Variants in CTNNA3 observed in about 807,000 individuals in gnomAD.
CTNNA3 encodes catenin alpha 3.
A neutral mutation model predicts 95.7 loss-of-function variants in CTNNA3; 76 were observed. The observed-to-expected ratio is 0.79, with a 90% confidence interval of 0.66 to 0.96. The LOEUF (loss-of-function observed/expected upper bound fraction) is 0.96. CTNNA3 is among the 40% of genes least tolerant of loss of function. The probability of loss-of-function intolerance (pLI) is 0.00; values close to 1 mark genes in which losing one functional copy is unlikely to be tolerated. For synonymous variants in CTNNA3, 431 were observed against 374.4 expected, an observed-to-expected ratio of 1.15 and a Z score of -1.74; for missense variants, 1,191 against 1,089.8, an observed-to-expected ratio of 1.09 and a Z score of -1.31.
intron 7 of CTNNA3, among the ~76,000 whole-genome samples, chr10:66,865,611 C>T (rs185977295): frequency 1.4e-3 from 212 of 151,952 alleles, no homozygotes; most frequent in African/African-American, 4.5e-3. Flanking sequence ...TTGCCATATG[C>T]AATTATATTA....
In CTNNA3 at chr10:67,317,529, G is replaced by A. The variant is rs552023999; in HGVS notation, c.580-97659C>T. On this transcript the variant is annotated intron_variant, in intron 5 of 17. Coordinates refer to ENST00000433211, the MANE Select transcript of CTNNA3 (RefSeq NM_013266.4). Reference sequence around the variant, plus strand: ...CAACCTCCGCCTTCCGGGTTCAAACGATTCTCCTGCCTCAGCCTCCCAAGT... The same window carrying A: ...CAACCTCCGCCTTCCGGGTTCAAACAATTCTCCTGCCTCAGCCTCCCAAGT... Among the ~76,000 whole-genome samples, 10 of 151,794 alleles carry A rather than the reference G, an allele frequency of 6.6e-5. No homozygotes were observed. The South Asian group carries it at 2.1e-3, about 32-fold the overall frequency.
chr10:67,736,081 T>A (rs944949810), intron 1 of CTNNA3, among the ~76,000 whole-genome samples: 3 of 152,204 alleles, frequency 2.0e-5, no homozygotes, highest in Admixed American at 6.5e-5. Context: ...CAAAATGTGG[T>A]ATATACATAC....
rs563021490 is a variant in CTNNA3, at chr10:67,630,475, A to G, written c.99+16940T>C. 6.6e-5 allele frequency among the ~76,000 whole-genome samples: 10 copies of G among 152,298 alleles called. No individual in the cohort carries two copies. In the East Asian group the frequency reaches 1.9e-3, roughly 29 times the overall value. On this transcript the variant is annotated intron_variant, in intron 2 of 17. Transcript: ENST00000433211. ...GTCTCAAGCAGAAACCCCAGCTCAC[A>G]TTGAACATGTAGCTTGAGCAGGAAA...
At chr10:66,007,654 G>A (rs2078914840) in intron 15 of CTNNA3, among the ~76,000 whole-genome samples, 1 of 147,732 alleles carries the variant, frequency 6.8e-6, no homozygotes, top group Non-Finnish European at 1.5e-5. Context: ...TCCATCTGGA[G>A]GGTCTCATAT....
chr10:66,348,061 CA>C (rs1022336282), intron 12 of CTNNA3, among the ~76,000 whole-genome samples: 16 of 152,118 alleles, frequency 1.1e-4, no homozygotes, highest in African/African-American at 3.6e-4. Flanking sequence ...AGACAAAAAA[CA>C]ACCTTAAGAA....
At chr10:65,969,997 G>GA (rs1198064859) in intron 16 of CTNNA3, among the ~76,000 whole-genome samples, 2 of 152,100 alleles carry the variant, frequency 1.3e-5, no homozygotes, top group South Asian at 4.1e-4. Context: ...CAATACTAAA[G>GA]AAAAAATCTC....
chr10:66,301,530 A>C (rs1267722854), intron 12 of CTNNA3, among the ~76,000 whole-genome samples: 2 of 151,940 alleles, frequency 1.3e-5, no homozygotes, highest in African/African-American at 2.4e-5. Context: ...TCTACAAAGA[A>C]TCAAGTAGAT....
chr10:67,127,876 G>C (rs1248120991), intron 7 of CTNNA3, among the ~76,000 whole-genome samples: 1 of 124,852 alleles, frequency 8.0e-6, no homozygotes, highest in Non-Finnish European at 1.8e-5. Flanking sequence ...CTGTGTGTGT[G>C]TCTGTGTGTG....
intron 15 of CTNNA3, among the ~76,000 whole-genome samples, chr10:66,026,541 C>T (rs2079342093): frequency 6.6e-6 from 1 of 152,092 alleles, no homozygotes; most frequent in Non-Finnish European, 1.5e-5. Context: ...CTTCAAATGA[C>T]ACATAAAAAT....
intron 7 of CTNNA3, among the ~76,000 whole-genome samples, chr10:67,028,192 T>A (rs1217268473): frequency 6.6e-6 from 1 of 152,140 alleles, no homozygotes. Flanking sequence ...TTCACTGGAG[T>A]TTCCCATCCA....
At chr10:67,640,556 A>G (rs1839493586) in intron 2 of CTNNA3, among the ~76,000 whole-genome samples, 2 of 152,208 alleles carry the variant, frequency 1.3e-5, no homozygotes, top group South Asian at 4.1e-4. Flanking sequence ...AGTCAATCCT[A>G]AGCCAAAAGA....
chr10:67,120,803 G>A lies in CTNNA3; in HGVS notation c.1047+59514C>T, dbSNP rs547325949. Among the ~76,000 whole-genome samples the A allele has an allele frequency of 8.5e-5, 13 of 152,106 alleles. No individual in the cohort carries two copies. In the South Asian group the frequency reaches 2.7e-3, roughly 32 times the overall value. ...AGTTATCCTGTTTTGTAATGCGTAAGTCTTTCCTAAACACAGAGACTGAAT... is the reference window on the plus strand; with the variant it reads ...AGTTATCCTGTTTTGTAATGCGTAAATCTTTCCTAAACACAGAGACTGAAT... On this transcript the variant is annotated intron_variant, in intron 7 of 17. Transcript: ENST00000433211.
intron 7 of CTNNA3, among the ~76,000 whole-genome samples, chr10:66,866,878 A>T (rs1030636759): frequency 1.1e-4 from 17 of 152,214 alleles, no homozygotes; most frequent in African/African-American, 4.1e-4. Flanking sequence ...TGTAGCTCCC[A>T]TAATTCCCAG....
intron 16 of CTNNA3, among the ~76,000 whole-genome samples, chr10:65,972,904 G>GAA (rs3052085): frequency 7.1e-6 from 1 of 140,142 alleles, no homozygotes; most frequent in African/African-American, 2.6e-5. Context: ...TCCTAAGGGG[G>GAA]AAAAAAAAAA....
At position 66,970,792 on chromosome 10, in the gene CTNNA3, T is replaced by C. The variant is rs75720521; in HGVS notation, c.1048-195268A>G. ...GATTGCCCAAGTGATATTTGAATTA[T>C]ACCAAAAAAGAGACAGTATATACAT... On this transcript the variant is annotated intron_variant, in intron 7 of 17. Transcript: ENST00000433211. Among the ~76,000 whole-genome samples the C allele has an allele frequency of 8.2e-3, 1,251 of 152,204 alleles. 25 individuals carry two copies. The highest frequency in any genetic ancestry group is 0.029 in the African/African-American group (1,184 of 41,494).
chr10:67,480,300 C>T (rs1467952608), intron 5 of CTNNA3, among the ~76,000 whole-genome samples: 2 of 152,192 alleles, frequency 1.3e-5, no homozygotes, highest in Non-Finnish European at 2.9e-5. Flanking sequence ...GATAAGAAAA[C>T]TACAGGCCAA....
chr10:67,116,776 T>C (rs1859213243), intron 7 of CTNNA3, among the ~76,000 whole-genome samples: 1 of 149,016 alleles, frequency 6.7e-6, no homozygotes, highest in African/African-American at 2.4e-5. Context: ...ATTTTGTTTA[T>C]GTGATTTAAG....
At chr10:67,568,410 T>C (rs1337567613) in intron 3 of CTNNA3, among the ~76,000 whole-genome samples, 1 of 152,012 alleles carries the variant, frequency 6.6e-6, no homozygotes, top group East Asian at 1.9e-4. Context: ...GAATTTTCAA[T>C]ATTGAACATT....
chr10:67,525,718 C>G (rs550903835), intron 4 of CTNNA3, among the ~76,000 whole-genome samples: 1 of 152,226 alleles, frequency 6.6e-6, no homozygotes, highest in Admixed American at 6.5e-5. Context: ...TCACTGCCAA[C>G]GCCCTGGCTT....
Sources: allele counts gnomAD v4.1 joint callset (sites outside exome capture counted in the v4.1 genomes callset), GRCh38; gene constraint gnomAD v4.1.1; transcripts MANE v1.5; gene names NCBI Gene and HGNC (gene_info 2026-07-23, HGNC 2026-07-21).